QPCT: variants seen among roughly 807,000 people sequenced by gnomAD.
QPCT encodes EC.
QPCT carries 44 observed loss-of-function variants against 43.4 expected under a neutral mutation model. The ratio of observed to expected loss-of-function variants is 1.01; its 90% CI spans 0.80 to 1.30. The LOEUF (loss-of-function observed/expected upper bound fraction) is 1.30, where lower values mean the gene tolerates loss of function less well. Among genes scored for constraint, QPCT ranks in the 50% most tolerant of loss-of-function variants. The pLI, the probability that QPCT is intolerant of heterozygous loss-of-function variation, is 0.00. For synonymous variants in QPCT, 168 were observed against 168.4 expected (o/e 1.00, Z 0.02); for missense variants, 526 against 436.5 (o/e 1.21, Z -1.83).
At chr2:37,367,553 G>A in intron 4 of QPCT, 145 bp downstream of exon 4, 1 of 838,394 alleles carries the variant, frequency 1.2e-6, no homozygotes, top group Non-Finnish European at 1.8e-6. Context: ...CAGGCATTGG[G>A]TTTTTGAGGA....
chr2:37,358,369 G>A (rs761497804), intron 2 of QPCT, among the ~76,000 whole-genome samples: 4 of 152,152 alleles, frequency 2.6e-5, no homozygotes, highest in South Asian at 2.1e-4. Context: ...CCGAGGAGGC[G>A]GAGGTTGCAG....
At chr2:37,369,466 C>A (rs1673028631) in intron 4 of QPCT, among the ~76,000 whole-genome samples, 1 of 152,172 alleles carries the variant, frequency 6.6e-6, no homozygotes, top group African/African-American at 2.4e-5. Context: ...CACAAATAAT[C>A]AATATTTTGC....
chr2:37,351,515 T>C (rs1206071542), intron 1 of QPCT, among the ~76,000 whole-genome samples: 1 of 152,228 alleles, frequency 6.6e-6, no homozygotes, highest in Non-Finnish European at 1.5e-5. Context: ...TACTATTTAG[T>C]TGGCTATAGA....
intron 1 of QPCT, among the ~76,000 whole-genome samples, chr2:37,347,154 A>ATATATATATATATATATATATATAT (rs1672507916): frequency 1.4e-5 from 1 of 70,408 alleles, no homozygotes; most frequent in African/African-American, 6.6e-5. Flanking sequence ...TTATATATAT[A>ATATATATATATATATATATATATAT]TATATATATA....
At chr2:37,354,051 G>C (rs191277967) in intron 2 of QPCT, among the ~76,000 whole-genome samples, 1 of 152,274 alleles carries the variant, frequency 6.6e-6, no homozygotes, top group East Asian at 1.9e-4. Context: ...TTTTAGTAGA[G>C]ACAGGGTTTC....
chr2:37,345,125 G>A (rs1158708621), intron 1 of QPCT, among the ~76,000 whole-genome samples: 1 of 152,194 alleles, frequency 6.6e-6, no homozygotes, highest in African/African-American at 2.4e-5. Flanking sequence ...GGTGCTGATA[G>A]GCACAGGAAA....
intron 3 of QPCT, among the ~76,000 whole-genome samples, chr2:37,362,096 C>T (rs1278217769): frequency 3.3e-5 from 5 of 152,202 alleles, no homozygotes; most frequent in Admixed American, 2.0e-4. Flanking sequence ...GAAAGCAAAT[C>T]GTTGTACTGA....
chr2:37,345,853 AAAG>A (rs1429325880), intron 1 of QPCT, among the ~76,000 whole-genome samples: 3 of 151,898 alleles, frequency 2.0e-5, no homozygotes, highest in Non-Finnish European at 2.9e-5. Context: ...AAAAAAAAAA[AAAG>A]AAGTATATGG....
chr2:37,368,658 T>C lies in QPCT; in HGVS notation c.724-1027T>C, dbSNP rs571052244. On this transcript the variant is annotated intron_variant, in intron 4 of 6. Transcript: ENST00000338415. ...CAGCTCCTAATGGGCCAGGGGAATG[T>C]GGTCAGCATATCATTCATTCACTTG... is the stretch of plus-strand genomic sequence containing the variant. 169 of 471,186 alleles carry C rather than the reference T, an allele frequency of 3.6e-4. 3 individuals carry two copies. Among genetic ancestry groups the C allele is most frequent in the African/African-American group, 3.1e-3 (155 of 50,188 alleles). The allele number at this position is 471,186 out of a possible 1,614,324, so 29.2% of individuals were successfully genotyped here. A position where few individuals can be genotyped will look rare whatever the true frequency, so the allele number is the denominator to read the frequency against.
chr2:37,362,855 A>C (rs528378156), intron 3 of QPCT, among the ~76,000 whole-genome samples: 1 of 152,214 alleles, frequency 6.6e-6, no homozygotes, highest in Non-Finnish European at 1.5e-5. Flanking sequence ...AAGTCTGTCT[A>C]AGGAATATGT....
chr2:37,344,651 G>C lies in QPCT; in HGVS notation c.-81G>C, dbSNP rs953417053. 1.3e-6 allele frequency: 2 copies of C among 1,518,282 alleles called. No homozygotes were observed. Among genetic ancestry groups the C allele is most frequent in the Non-Finnish European group, 1.8e-6 (2 of 1,133,870 alleles). The allele number at this position is 1,518,282 out of a possible 1,614,324, so 94.1% of individuals were successfully genotyped here. ...GCGCAGTCGACCCAAGGGTGGAGAA[G>C]AGGGAAGGCGAAGGACGCGCGTTCC... On this transcript the variant is annotated 5_prime_UTR_variant, in exon 1 of 7. Transcript: ENST00000338415.
intron 1 of QPCT, among the ~76,000 whole-genome samples, chr2:37,348,995 A>G (rs1347927588): frequency 1.3e-5 from 2 of 152,156 alleles, no homozygotes; most frequent in African/African-American, 4.8e-5. Flanking sequence ...AAATTTGTAT[A>G]TCTATTGAGT....
At chr2:37,372,207 T>A in intron 5 of QPCT, 149 bp from the exon 6 acceptor site, 1 of 671,340 alleles carries the variant, frequency 1.5e-6, no homozygotes, top group Non-Finnish European at 2.7e-6. Flanking sequence ...ATGTTTATTG[T>A]CATGGGTGTG....
Position 37,359,731 on chromosome 2 carries a change from A to C in QPCT, c.419A>C (p.His140Pro). The change falls in exon 3 of 7, where the codon CAC becomes CCC. Residue 140 changes from histidine to proline, a missense_variant. His to Pro is a moderately conservative substitution (Grantham distance 77). Transcript: ENST00000338415. ...TAKRHLVLAC[H>P]YDSKYFSHWN... ...AAACGACATTTGGTCCTCGCCTGCC[A>C]CTATGACTCCAAGTATTTTTCCCAC... The C allele has an allele frequency of 6.2e-7, 1 of 1,614,176 alleles. No individual in the cohort carries two copies. Among genetic ancestry groups the C allele is most frequent in the Middle Eastern group, 1.6e-4 (1 of 6,062 alleles).
intron 3 of QPCT, 169 bp downstream of exon 3, chr2:37,360,027 TGG>T: frequency 1.3e-6 from 1 of 741,636 alleles, no homozygotes; most frequent in Non-Finnish European, 2.2e-6. Context: ...ATATCAACCA[TGG>T]GCAATAAACC....
At chr2:37,344,897 G>A (rs774234112) in intron 1 of QPCT, 46 bp downstream of exon 1, 33 of 1,503,094 alleles carry the variant, frequency 2.2e-5, no homozygotes, top group African/African-American at 4.3e-5. Flanking sequence ...GCTCTGGTCC[G>A]ATGCGAGGAC....
chr2:37,366,611 G>A (rs534467963), intron 3 of QPCT, among the ~76,000 whole-genome samples: 1 of 152,200 alleles, frequency 6.6e-6, no homozygotes, highest in Admixed American at 6.5e-5. Flanking sequence ...CCCAAGAAGC[G>A]CCCTCTGACA....
chr2:37,371,120 TG>T (rs1433351080), intron 5 of QPCT, among the ~76,000 whole-genome samples: 1 of 152,148 alleles, frequency 6.6e-6, no homozygotes, highest in African/African-American at 2.4e-5. Flanking sequence ...TTTCCTAGTT[TG>T]AAAGAGTTAC....
intron 2 of QPCT, among the ~76,000 whole-genome samples, chr2:37,356,831 C>A (rs1672759387): frequency 6.6e-6 from 1 of 152,160 alleles, no homozygotes; most frequent in South Asian, 2.1e-4. Flanking sequence ...CATGGTGAAA[C>A]TTTGTCTCTA....
Sources: allele counts gnomAD v4.1 joint callset (sites outside exome capture counted in the v4.1 genomes callset), GRCh38; gene constraint gnomAD v4.1.1; transcripts MANE v1.5; gene names NCBI Gene and HGNC (gene_info 2026-07-23, HGNC 2026-07-21).